The following CTNNA3 variants were observed in gnomAD, a reference collection of about 807,000 sequenced individuals.
The protein encoded by CTNNA3 is catenin alpha-3.
In CTNNA3, 76 loss-of-function variants were observed where a neutral mutation model predicts 95.7. The observed-to-expected ratio is 0.79, with a 90% CI of 0.66 to 0.96. The LOEUF is 0.96. Ranked by LOEUF, CTNNA3 falls within the 40% of genes least tolerant of loss-of-function variation. The pLI is 0.00. For missense variants in CTNNA3, 1,191 were observed against 1,089.8 expected (o/e 1.09, Z -1.31); for synonymous variants, 431 against 374.4 (o/e 1.15, Z -1.74).
intron 1 of CTNNA3, among the ~76,000 whole-genome samples, chr10:67,748,371 A>G (rs141774983): frequency 0.012 from 1,863 of 152,304 alleles, 17 homozygotes; most frequent in Non-Finnish European, 0.017. Flanking sequence ...CAGGTCACCT[A>G]CAAAAGGAAT....
At chr10:67,444,912 TC>T (rs1453860332) in intron 5 of CTNNA3, among the ~76,000 whole-genome samples, 1 of 151,980 alleles carries the variant, frequency 6.6e-6, no homozygotes, top group East Asian at 1.9e-4. Context: ...TAAAGTGTCA[TC>T]CAGCAAACAA....
At chr10:67,396,558 G>A (rs1844713414) in intron 5 of CTNNA3, among the ~76,000 whole-genome samples, 1 of 152,040 alleles carries the variant, frequency 6.6e-6, no homozygotes, top group African/African-American at 2.4e-5. Context: ...AATTTAACAG[G>A]AATGTCTACT....
At chr10:67,149,401 C>T (rs1021891166) in intron 7 of CTNNA3, among the ~76,000 whole-genome samples, 10 of 151,830 alleles carry the variant, frequency 6.6e-5, no homozygotes, top group Non-Finnish European at 1.0e-4. Flanking sequence ...CTGGCTAACA[C>T]GGTGAAACCC....
intron 15 of CTNNA3, among the ~76,000 whole-genome samples, chr10:66,064,576 C>T (rs2080275179): frequency 6.7e-6 from 1 of 149,600 alleles, no homozygotes; most frequent in Non-Finnish European, 1.5e-5. Flanking sequence ...AAGCATTCAC[C>T]GTTGATGCTC....
chr10:66,862,640 A>G (rs1843986854), intron 7 of CTNNA3, among the ~76,000 whole-genome samples: 1 of 152,206 alleles, frequency 6.6e-6, no homozygotes, highest in South Asian at 2.1e-4. Flanking sequence ...CAAGAAAGAC[A>G]GAATTACTGG....
chr10:65,932,963 T>C lies in CTNNA3; in HGVS notation c.2401-12346A>G, dbSNP rs1313727715. Among the ~76,000 whole-genome samples the C allele has an allele frequency of 2.0e-5, 3 of 152,136 alleles. No individual in the cohort carries two copies. The East Asian group carries it at 5.8e-4, about 29-fold the overall frequency. On this transcript the variant is annotated intron_variant, in intron 17 of 17. Transcript: ENST00000433211. ...AAGATTGACTTTTGTGATTAAAAACTGCTTGAATTTCTGGGCAATCCTCAT... is the reference window on the plus strand; with the variant it reads ...AAGATTGACTTTTGTGATTAAAAACCGCTTGAATTTCTGGGCAATCCTCAT...
At chr10:67,191,737 T>C (rs997910837) in intron 6 of CTNNA3, among the ~76,000 whole-genome samples, 4 of 151,740 alleles carry the variant, frequency 2.6e-5, no homozygotes, top group Admixed American at 2.0e-4. Flanking sequence ...TTCAAAGAAA[T>C]AGAAAAAACA....
intron 3 of CTNNA3, among the ~76,000 whole-genome samples, chr10:67,546,652 G>A (rs1840851435): frequency 6.6e-6 from 1 of 152,036 alleles, no homozygotes; most frequent in African/African-American, 2.4e-5. Context: ...TGAAATAGCT[G>A]CCCATAATTA....
At chr10:66,681,155 T>C (rs938708481) in intron 9 of CTNNA3, among the ~76,000 whole-genome samples, 1 of 152,188 alleles carries the variant, frequency 6.6e-6, no homozygotes, top group African/African-American at 2.4e-5. Flanking sequence ...ATGTTTGAAA[T>C]ATGTCATAAG....
chr10:67,734,966 G>C (rs1298435605), intron 1 of CTNNA3, among the ~76,000 whole-genome samples: 1 of 152,022 alleles, frequency 6.6e-6, no homozygotes, highest in Non-Finnish European at 1.5e-5. Flanking sequence ...TTAAGATAAA[G>C]TAAATTTTAC....
chr10:66,772,351 G>C (rs1840121830), intron 8 of CTNNA3, among the ~76,000 whole-genome samples: 1 of 150,086 alleles, frequency 6.7e-6, no homozygotes, highest in Non-Finnish European at 1.5e-5. Context: ...CCTGAACCTG[G>C]GAGGCGGAGG....
At chr10:66,351,416 A>G (rs933108135) in intron 12 of CTNNA3, among the ~76,000 whole-genome samples, 2 of 152,084 alleles carry the variant, frequency 1.3e-5, no homozygotes, top group African/African-American at 2.4e-5. Flanking sequence ...AATGCAGACA[A>G]TCTGATTCCT....
At chr10:67,452,130 T>G (rs1184348930) in intron 5 of CTNNA3, among the ~76,000 whole-genome samples, 1 of 151,468 alleles carries the variant, frequency 6.6e-6, no homozygotes, top group African/African-American at 2.4e-5. Flanking sequence ...GGGAAGATCA[T>G]ATAAGCAACA....
chr10:66,978,948 C>T (rs1007783257), intron 7 of CTNNA3, among the ~76,000 whole-genome samples: 2 of 146,650 alleles, frequency 1.4e-5, no homozygotes, highest in Admixed American at 1.4e-4. Context: ...CCACTCCTCA[C>T]ATACTTATTT....
chr10:66,370,432 A>T (rs2092745346), intron 12 of CTNNA3, among the ~76,000 whole-genome samples: 1 of 152,158 alleles, frequency 6.6e-6, no homozygotes, highest in Non-Finnish European at 1.5e-5. Flanking sequence ...AAAAACATAC[A>T]CTATGTTATG....
intron 10 of CTNNA3, among the ~76,000 whole-genome samples, chr10:66,610,815 G>A (rs972477161): frequency 2.6e-5 from 4 of 151,940 alleles, no homozygotes; most frequent in Admixed American, 6.6e-5. Context: ...ATGTTAAAGA[G>A]GTATCTGTAC....
chr10:66,985,412 G>A (rs1489895220), intron 7 of CTNNA3, among the ~76,000 whole-genome samples: 3 of 152,146 alleles, frequency 2.0e-5, no homozygotes, highest in African/African-American at 7.2e-5. Flanking sequence ...GTGCCCAACA[G>A]GAACCTGGCC....
intron 14 of CTNNA3, among the ~76,000 whole-genome samples, chr10:66,073,159 AT>A (rs2080476547): frequency 6.6e-6 from 1 of 152,136 alleles, no homozygotes; most frequent in South Asian, 2.1e-4. Flanking sequence ...TGGTCAGAGG[AT>A]AAAAAATTTC....
chr10:66,029,177 G>T (rs10822697), intron 15 of CTNNA3, among the ~76,000 whole-genome samples: 117,710 of 152,046 alleles, frequency 0.77, 45,853 homozygotes, highest in South Asian at 0.9. Context: ...CTTCTAATTG[G>T]CCTTTTTACT....
Sources: allele counts gnomAD v4.1 joint callset (sites outside exome capture counted in the v4.1 genomes callset), GRCh38; gene constraint gnomAD v4.1.1; transcripts MANE v1.5; gene names NCBI Gene and HGNC (gene_info 2026-07-23, HGNC 2026-07-21).